The following TENM3 variants were observed in gnomAD, a reference collection of about 807,000 sequenced individuals.
The protein encoded by TENM3 is teneurin transmembrane protein 3, also known as teneurin-3.
A neutral mutation model predicts 255.1 loss-of-function variants in TENM3; 63 were observed. The observed-to-expected ratio is 0.25, with a 90% CI of 0.20 to 0.30. The LOEUF is 0.30. Among genes scored for constraint, TENM3 ranks in the 10% least tolerant of loss-of-function variants. The pLI is 1.00. For synonymous variants in TENM3, 1,306 were observed against 1,322.3 expected, an observed-to-expected ratio of 0.99 and a Z score of 0.27; for missense variants, 2,929 against 3,461.1, an observed-to-expected ratio of 0.85 and a Z score of 3.86.
At chr4:181,582,261 T>C in the TENM3 span, among the ~76,000 whole-genome samples, 1 of 152,182 alleles carries the variant, frequency 6.6e-6, no homozygotes, top group Non-Finnish European at 1.5e-5. Flanking sequence ...CTGTTGTGCA[T>C]GCTTTGCATT....
chr4:182,454,857 A>C (rs1773744141), intron 3 of TENM3, among the ~76,000 whole-genome samples: 1 of 152,212 alleles, frequency 6.6e-6, no homozygotes, highest in South Asian at 2.1e-4. Context: ...TGGAAACTCC[A>C]GTTAAAGCAA....
chr4:181,486,041 T>C, the TENM3 span, among the ~76,000 whole-genome samples: 2 of 151,870 alleles, frequency 1.3e-5, no homozygotes, highest in African/African-American at 2.4e-5. Flanking sequence ...GCAATATGTG[T>C]TTGAGTTTAT....
the TENM3 span, among the ~76,000 whole-genome samples, chr4:181,802,773 T>C: frequency 2.0e-5 from 3 of 152,180 alleles, no homozygotes; most frequent in Non-Finnish European, 4.4e-5. Context: ...TAGTTCCATT[T>C]TCAGAAAACA....
chr4:182,339,016 C>T (rs1764310500), intron 2 of TENM3, among the ~76,000 whole-genome samples: 1 of 152,236 alleles, frequency 6.6e-6, no homozygotes, highest in East Asian at 1.9e-4. Context: ...CCAGTTAGAC[C>T]CCAAACTTTT....
At chr4:181,594,154 A>G in the TENM3 span, among the ~76,000 whole-genome samples, 28 of 152,320 alleles carry the variant, frequency 1.8e-4, no homozygotes, top group African/African-American at 6.5e-4. Context: ...GTAACGATTT[A>G]AAACTAGAAA....
chr4:182,662,674 C>G (rs1754326510), intron 6 of TENM3, among the ~76,000 whole-genome samples: 1 of 152,056 alleles, frequency 6.6e-6, no homozygotes, highest in African/African-American at 2.4e-5. Context: ...TCTTCTGAAG[C>G]CAAAGTTTTC....
At chr4:181,498,268 A>C in the TENM3 span, among the ~76,000 whole-genome samples, 1 of 152,334 alleles carries the variant, frequency 6.6e-6, no homozygotes, top group East Asian at 1.9e-4. Context: ...TTAGTTGACT[A>C]TAAATTCAAT....
chr4:182,078,622 A>G, the TENM3 span, among the ~76,000 whole-genome samples: 2 of 152,188 alleles, frequency 1.3e-5, no homozygotes, highest in African/African-American at 4.8e-5. Flanking sequence ...TTTTAAAACA[A>G]TCCTTCTCAC....
At chr4:182,546,719 A>G (rs6812223) in intron 3 of TENM3, among the ~76,000 whole-genome samples, 44,234 of 152,134 alleles carry the variant, frequency 0.29, 7,010 homozygotes, top group Non-Finnish European at 0.35. Flanking sequence ...GTGCAAAGAA[A>G]TAGGGAATCC....
At chr4:181,842,382 C>T in the TENM3 span, among the ~76,000 whole-genome samples, 1 of 152,140 alleles carries the variant, frequency 6.6e-6, no homozygotes, top group African/African-American at 2.4e-5. Flanking sequence ...AATTCTATAT[C>T]TGCCTGTTTA....
At chr4:181,448,717 A>G in the TENM3 span, among the ~76,000 whole-genome samples, 230 of 152,286 alleles carry the variant, frequency 1.5e-3, no homozygotes, top group African/African-American at 5.3e-3. Context: ...AGAAGATAGG[A>G]TATGTAGATC....
intron 1 of TENM3, among the ~76,000 whole-genome samples, chr4:182,203,757 C>T (rs1579702856): frequency 6.6e-6 from 1 of 152,270 alleles, no homozygotes; most frequent in South Asian, 2.1e-4. Context: ...TGGCAGGTGG[C>T]CCCTCATCGT....
chr4:182,674,245 A>G (rs1173842107), intron 7 of TENM3, among the ~76,000 whole-genome samples: 1 of 152,102 alleles, frequency 6.6e-6, no homozygotes, highest in Admixed American at 6.6e-5. Context: ...TGTGAGAAAT[A>G]TTTTTTCTAT....
the TENM3 span, among the ~76,000 whole-genome samples, chr4:182,046,375 A>G: frequency 6.6e-6 from 1 of 152,014 alleles, no homozygotes; most frequent in African/African-American, 2.4e-5. Flanking sequence ...AATTTGATCA[A>G]TCTACTAAGG....
At chr4:182,260,307 A>G (rs1453235811) in intron 1 of TENM3, among the ~76,000 whole-genome samples, 1 of 151,632 alleles carries the variant, frequency 6.6e-6, no homozygotes, top group African/African-American at 2.4e-5. Context: ...CTTTTGAGGA[A>G]CCTCCATATA....
At chr4:182,192,787 A>G (rs941504785) in intron 1 of TENM3, among the ~76,000 whole-genome samples, 2 of 152,198 alleles carry the variant, frequency 1.3e-5, no homozygotes. Flanking sequence ...GGGTTGAACA[A>G]CTGCTTTGTG....
chr4:182,505,897 G>A (rs140563071), intron 3 of TENM3, among the ~76,000 whole-genome samples: 1 of 152,190 alleles, frequency 6.6e-6, no homozygotes, highest in Non-Finnish European at 1.5e-5. Flanking sequence ...AAAGAGACAG[G>A]CTTCGGATTT....
At chr4:182,577,927 G>T (rs1745094044) in intron 3 of TENM3, among the ~76,000 whole-genome samples, 1 of 151,690 alleles carries the variant, frequency 6.6e-6, no homozygotes, top group Admixed American at 6.6e-5. Flanking sequence ...TTATTTTTAA[G>T]TTTTTGCTTA....
At chr4:181,888,548 A>ATGTATATATATATATG in the TENM3 span, among the ~76,000 whole-genome samples, 2 of 99,976 alleles carry the variant, frequency 2.0e-5, no homozygotes, top group African/African-American at 7.9e-5. Context: ...ATATATATAT[A>ATGTATATATATATATG]TGTATATATA....
Sources: gnomAD v4.1 joint callset for allele counts (sites outside exome capture counted in the v4.1 genomes callset) on GRCh38, gnomAD v4.1.1 for gene constraint, MANE v1.5 for transcripts, NCBI Gene and HGNC (gene_info 2026-07-23, HGNC 2026-07-21) for gene names.